OBSL1: variants seen among roughly 807,000 people sequenced by gnomAD.
OBSL1 encodes the protein obscurin-like protein 1.
A neutral mutation model predicts 172.0 loss-of-function variants in OBSL1; 160 were observed. That is an observed-to-expected ratio of 0.93 (90% CI 0.82 to 1.06). The LOEUF (loss-of-function observed/expected upper bound fraction) is 1.06. Among genes scored for constraint, OBSL1 ranks in the 50% least tolerant of loss-of-function variants. OBSL1 has a pLI of 0.00. For missense variants in OBSL1, 2,681 were observed against 2,715.4 expected, an observed-to-expected ratio of 0.99 and a Z score of 0.28; for synonymous variants, 1,200 against 1,196.3, an observed-to-expected ratio of 1.00 and a Z score of -0.06.
chr2:219,549,435 G>C (rs563659458), downstream of OBSL1: 200 of 1,492,922 alleles, frequency 1.3e-4, no homozygotes, highest in Middle Eastern at 1.5e-3. Context: ...TTTCCCCACG[G>C]GCTGGTTGCT....
chr2:219,557,880 AGGTGTAGAGCCCTGCATGG>A lies in OBSL1; in HGVS notation c.3714_3732del (p.His1239AlafsTer26). The A allele has an allele frequency of 6.2e-7, 1 of 1,601,478 alleles. No homozygotes were observed. The highest frequency in any genetic ancestry group is 8.5e-7 in the Non-Finnish European group (1 of 1,179,600). ...GCTCCGGGGGCTGCTCCAGACTGGC[AGGTGTAGAGCCCTGCATGG>A]GCTGGGCCTGCAGCCTGGATGCAGA... On this transcript the variant is annotated frameshift_variant, in exon 11 of 21. Coordinates refer to ENST00000404537, the MANE Select transcript of OBSL1 (RefSeq NM_015311.3). LOFTEE classifies it high-confidence loss of function.
intron 14 of OBSL1, chr2:219,555,065 T>C: frequency 2.8e-6 from 1 of 354,742 alleles, no homozygotes; most frequent in East Asian, 4.9e-5. Flanking sequence ...AACCTCGCTC[T>C]ACCACATAGT....
rs368068900 is a variant in OBSL1 at position 219,553,615 on chromosome 2, A to G, written c.4948T>C (p.Cys1650Arg). The change falls in exon 16 of 21, where the codon TGC becomes CGC. Residue 1650 changes from cysteine (C) to arginine (R), a missense_variant. Physicochemically the swap from Cys to Arg is radical, Grantham distance 180 (BLOSUM62 -3). Around this residue, in one of 5 missense-constraint regions of OBSL1, gnomAD observed 1,765 missense variants for 1,748.3 expected, o/e 1.01. Transcript: ENST00000404537. Reference protein sequence around the residue: ...VTEGDTATFECELSQALADVT... With the variant: ...VTEGDTATFERELSQALADVT... ...TCAGCCAAAGCTTGGGAAAGCTCGC[A>G]CTCGAACGTAGCTGTGTCGCCCTCG... 3 of 1,613,748 alleles carry G rather than the reference A, an allele frequency of 1.9e-6. No individual in the cohort carries two copies. Among genetic ancestry groups the G allele is most frequent in the Non-Finnish European group, 2.5e-6 (3 of 1,179,860 alleles).
rs746337024 is a variant in OBSL1 at position 219,567,893 on chromosome 2, T to C, written c.1359A>G (p.Leu453=). 19 of 1,613,732 alleles carry C rather than the reference T, an allele frequency of 1.2e-5. No individual in the cohort carries two copies. In the African/African-American group the frequency reaches 2.5e-4, roughly 22 times the overall value. Residue 453 remains leucine, a synonymous_variant, in exon 3 of 21, where the codon CTA becomes CTG. Transcript: ENST00000404537. ...TCCAGCGTCCCTCGACCCCGGCCTC[T>C]AGAGTTTCCACTAGCAGCACAGCAT... The part of the protein sequence containing the change: ...GENAVLLVET[L]EAGVEGRWSR...
downstream of OBSL1, chr2:219,550,664 C>T (rs1001518587): frequency 1.3e-5 from 11 of 817,704 alleles, no homozygotes; most frequent in African/African-American, 8.5e-5. Flanking sequence ...TCCCCAGTGT[C>T]GCTCACTGCA....
At chr2:219,551,083 G>GGGGAAGAGGAA (rs1240441582) in intron 20 of OBSL1, 2 of 1,415,016 alleles carry the variant, frequency 1.4e-6, no homozygotes, top group African/African-American at 2.9e-5. Flanking sequence ...TGTCTCTTAT[G>GGGGAAGAGGAA]GGGAAGAGGA....
rs1209673712 is a variant in OBSL1 at position 219,567,920 on chromosome 2, CT to C, written c.1331del (p.Glu444GlyfsTer6). ...LPRKLDVLEG[E>X]NAVLLVETLE... is the part of the protein sequence containing the mutation. ...GAGTTTCCACTAGCAGCACAGCATT[CT>C]CTCCTTCCAGGACGTCGAGCTTCCG... On this transcript the variant is annotated frameshift_variant, in exon 3 of 21. Coordinates refer to ENST00000404537, the MANE Select transcript of OBSL1 (RefSeq NM_015311.3). LOFTEE classifies it high-confidence loss of function. 2 of 1,613,812 alleles carry C rather than the reference CT, an allele frequency of 1.2e-6. No individual in the cohort carries two copies. The highest frequency in any genetic ancestry group is 1.7e-6 in the Non-Finnish European group (2 of 1,179,908).
At position 219,550,767 on chromosome 2, in the gene OBSL1, C is replaced by T. The variant is rs1426712323; in HGVS notation, c.*68G>A. On this transcript the variant is annotated 3_prime_UTR_variant, in exon 21 of 21. Coordinates refer to ENST00000404537, the MANE Select transcript of OBSL1 (RefSeq NM_015311.3). ...TTTATTGTTCCTTGTCTCTCTACCC[C>T]TGCCCAGGGTAAGGGCAAACGCCTT... is the stretch of plus-strand genomic sequence containing the variant. The T allele has an allele frequency of 2.0e-5, 31 of 1,569,082 alleles. No homozygotes were observed. Among genetic ancestry groups the T allele is most frequent in the Non-Finnish European group, 9.6e-6 (11 of 1,150,226 alleles).
At chr2:219,553,426 G>A (rs1695776552) in intron 16 of OBSL1, 148 bp downstream of exon 16, 3 of 695,464 alleles carry the variant, frequency 4.3e-6, no homozygotes, top group Non-Finnish European at 7.7e-6. Flanking sequence ...ACCTCCTAGA[G>A]TTGTCCTTGG....
At chr2:219,557,090 G>A (rs1696071773) in intron 12 of OBSL1, 2 of 493,366 alleles carry the variant, frequency 4.1e-6, no homozygotes, top group Non-Finnish European at 7.0e-6. Context: ...ACAGCTACTG[G>A]GGCACAGAAT....
At chr2:219,559,107 T>G in intron 9 of OBSL1, 118 bp downstream of exon 9, 1 of 1,017,372 alleles carries the variant, frequency 9.8e-7, no homozygotes, top group Non-Finnish European at 1.4e-6. Flanking sequence ...TGGCCAAACA[T>G]GAGGAAGCTG....
chr2:219,557,282 G>T, intron 12 of OBSL1, 61 bp downstream of exon 12: 1 of 1,414,656 alleles, frequency 7.1e-7, no homozygotes, highest in Non-Finnish European at 9.3e-7. Flanking sequence ...GGGGGCCCTA[G>T]AAAGTGGCAG....
At chr2:219,548,026 G>T, downstream of OBSL1, 8 of 1,590,350 alleles carry the variant, frequency 5.0e-6, no homozygotes, top group Non-Finnish European at 6.0e-6. Context: ...TGCTCAGCCT[G>T]ATGGGCGTTC....
At chr2:219,550,870 T>C (rs951546310) in intron 20 of OBSL1, 28 bp from the exon 21 acceptor site, 129 of 1,577,258 alleles carry the variant, frequency 8.2e-5, no homozygotes, top group Non-Finnish European at 1.1e-4. Flanking sequence ...CACATGGGGC[T>C]GGGGAGAGAA....
In OBSL1 at chr2:219,570,210, C is replaced by T; in HGVS notation, c.1012+11G>A. On this transcript the variant is annotated intron_variant, in intron 1 of 20. Transcript: ENST00000404537. ...TCGAGGCCCCTCCCTAGGTCCCGGG[C>T]TCCGCCGTACCTTTCACGTGCAGCT... 1 of 1,527,228 alleles carries T rather than the reference C, an allele frequency of 6.5e-7. No homozygotes were observed. Among genetic ancestry groups the T allele is most frequent in the Non-Finnish European group, 8.8e-7 (1 of 1,137,116 alleles). 94.6% of individuals were successfully genotyped at this position (1,527,228 alleles called of 1,614,324 possible). A position where few individuals can be genotyped will look rare whatever the true frequency, so the allele number is the denominator to read the frequency against.
In OBSL1 at chr2:219,552,313, G is replaced by T. The variant is rs530552440; in HGVS notation, c.5309-97C>A. On this transcript the variant is annotated intron_variant, in intron 18 of 20. Coordinates refer to ENST00000404537, the MANE Select transcript of OBSL1 (RefSeq NM_015311.3). ...AGCAGGCCCCTGGGTCGGTTCGGACGCCGTTAGTGTATGCTAGGGTGGGCG... is the reference window on the plus strand; with the variant it reads ...AGCAGGCCCCTGGGTCGGTTCGGACTCCGTTAGTGTATGCTAGGGTGGGCG... 1.1e-5 allele frequency: 13 copies of T among 1,178,114 alleles called. No homozygotes were observed. In the South Asian group the frequency reaches 1.5e-4, roughly 14 times the overall value. The allele number at this position is 1,178,114 out of a possible 1,614,324, so 73.0% of individuals were successfully genotyped here. A position where few individuals can be genotyped will look rare whatever the true frequency, so the allele number is the denominator to read the frequency against.
chr2:219,552,078 TAC>T (rs1434386317), intron 19 of OBSL1, 32 bp downstream of exon 19: 11 of 1,532,254 alleles, frequency 7.2e-6, no homozygotes, highest in Admixed American at 3.7e-5. Context: ...AGACAGGATG[TAC>T]ACTCTCTGTC....
rs374208482 is a variant in OBSL1, at chr2:219,565,255, G to A, written c.2394C>T (p.Gly798=). ...CRTEGVSAFF[G]VTVQDPPVHI... is the part of the protein sequence containing the mutation. ...ATGCTTCCTGACCTTGGACAGTGAC[G>A]CCGAAGAAGGCCGAGACCCCTTCTG... The change falls in exon 6 of 21, where the codon GGC becomes GGT. Residue 798 remains glycine (G), a synonymous_variant. Coordinates refer to ENST00000404537, the MANE Select transcript of OBSL1 (RefSeq NM_015311.3). The A allele has an allele frequency of 2.9e-5, 47 of 1,609,912 alleles. 1 individual carries two copies. The highest frequency in any genetic ancestry group is 1.9e-4 in the South Asian group (17 of 90,752).
Position 219,554,648 on chromosome 2 carries a change from C to T in OBSL1, c.4702G>A (p.Val1568Met), listed in dbSNP as rs1399247890. 8 of 1,609,334 alleles carry T rather than the reference C, an allele frequency of 5.0e-6. No individual in the cohort carries two copies. The highest frequency in any genetic ancestry group is 2.7e-5 in the African/African-American group (2 of 74,864). Residue 1568 changes from valine (V) to methionine (M), a missense_variant, in exon 15 of 21, where the codon GTG becomes ATG. By Grantham distance (21) the Val-to-Met change is conservative (BLOSUM62 1). Transcript: ENST00000404537. ...TFQLELSQEG[V>M]TGEWARGGVQ... is the part of the protein sequence containing the mutation. ...CCACCCCGGGCCCACTCCCCGGTCA[C>T]ACCTTCCTGGGACAGCTCCAGCTGG...
Sources: gnomAD v4.1 joint callset for allele counts on GRCh38, gnomAD v4.1.1 for gene constraint, gnomAD v4.1.1 regional missense constraint, MANE v1.5 for transcripts, NCBI Gene and HGNC (gene_info 2026-07-23, HGNC 2026-07-21) for gene names.